Variants in ESD observed in about 807,000 individuals in gnomAD.
The protein encoded by ESD is S-formylglutathione hydrolase.
Under a neutral mutation model 38.1 loss-of-function variants are expected in ESD, and 34 were observed. That is an observed-to-expected ratio of 0.89 (90% CI 0.68 to 1.19). The LOEUF (loss-of-function observed/expected upper bound fraction) is 1.19. Ranked by LOEUF, ESD falls within the 50% of genes most tolerant of loss-of-function variation. ESD has a pLI of 0.00. For synonymous variants in ESD, 97 were observed against 107.0 expected, an observed-to-expected ratio of 0.91 and a Z score of 0.58; for missense variants, 334 against 327.2, an observed-to-expected ratio of 1.02 and a Z score of -0.16.
chr13:46,781,400 C>T, intron 7 of ESD, 96 bp downstream of exon 7: 1 of 1,179,712 alleles, frequency 8.5e-7, no homozygotes, highest in Non-Finnish European at 1.2e-6. Flanking sequence ...AAGTTTAGTT[C>T]CAATACTAAC....
chr13:46,782,573 C>T (rs1210480930), intron 6 of ESD, 94 bp downstream of exon 6: 2 of 1,371,320 alleles, frequency 1.5e-6, no homozygotes, highest in Non-Finnish European at 1.0e-6. Context: ...ACTTTTATAC[C>T]CTAGTTTAAA....
intron 4 of ESD, chr13:46,785,753 A>G (rs566989376): frequency 2.0e-5 from 3 of 152,118 alleles, no homozygotes; most frequent in South Asian, 2.1e-4. Flanking sequence ...AAAATTCTGT[A>G]TTTTATACTT....
chr13:46,773,125 A>C (rs978412326), intron 9 of ESD, among the ~76,000 whole-genome samples: 6 of 152,006 alleles, frequency 3.9e-5, no homozygotes, highest in Admixed American at 6.6e-5. Flanking sequence ...CATTTTCTTT[A>C]TTTAGTCTAT....
chr13:46,773,580 C>T (rs1183413563), intron 9 of ESD, among the ~76,000 whole-genome samples: 1 of 152,132 alleles, frequency 6.6e-6, no homozygotes, highest in African/African-American at 2.4e-5. Flanking sequence ...CTTCAGAGAA[C>T]AAGGAAATCC....
At chr13:46,790,006 A>T (rs935870546) in intron 3 of ESD, among the ~76,000 whole-genome samples, 7,908 of 132,204 alleles carry the variant, frequency 0.06, 287 homozygotes, top group African/African-American at 0.069. Flanking sequence ...ATATATATAT[A>T]TATTTTTTTT....
At chr13:46,790,989 G>C (rs1028419830) in intron 3 of ESD, among the ~76,000 whole-genome samples, 7 of 152,140 alleles carry the variant, frequency 4.6e-5, no homozygotes, top group Non-Finnish European at 8.8e-5. Context: ...GGAAGCAAAT[G>C]CATGTGTTTA....
At position 46,791,409 on chromosome 13, in the gene ESD, G is replaced by A. The variant is rs1176669841; in HGVS notation, c.5C>T (p.Ala2Val). The A allele has an allele frequency of 2.5e-6, 4 of 1,611,866 alleles. No homozygotes were observed. In the African/African-American group the frequency reaches 5.3e-5, roughly 22 times the overall value. MALKQISSNKCF... is the reference protein window; with the variant it reads MVLKQISSNKCF... ...CTTGTTGCTGGAAATCTGCTTCAATGCCATTCTTTTCCTATTAGTAAAGAG... is the reference window on the plus strand; with the variant it reads ...CTTGTTGCTGGAAATCTGCTTCAATACCATTCTTTTCCTATTAGTAAAGAG... The change falls in exon 3 of 10, where the codon GCA becomes GTA. Residue 2 changes from alanine (A) to valine (V), a missense_variant. Physicochemically the swap from Ala to Val is moderately conservative, Grantham distance 64. Transcript: ENST00000378720.
Position 46,784,367 on chromosome 13 carries a change from T to C in ESD, c.158-17A>G, listed in dbSNP as rs1875117748. On this transcript the variant is annotated splice_polypyrimidine_tract_variant and intron_variant, in intron 4 of 9. Coordinates refer to ENST00000378720, the MANE Select transcript of ESD (RefSeq NM_001984.2). The stretch of plus-strand genomic sequence containing the variant: ...AAGTTAAACCTGAAGATAAAAAATA[T>C]TGTTATTGGGCACACATGGACATGA... The C allele has an allele frequency of 1.3e-6, 2 of 1,541,274 alleles. No individual in the cohort carries two copies. Among genetic ancestry groups the C allele is most frequent in the African/African-American group, 1.4e-5 (1 of 73,288 alleles).
intron 5 of ESD, 27 bp from the exon 6 acceptor site, chr13:46,782,818 A>T: frequency 6.2e-7 from 1 of 1,610,750 alleles, no homozygotes; most frequent in Non-Finnish European, 8.5e-7. Flanking sequence ...TTGTGGTTTC[A>T]TCTGCTCTGT....
chr13:46,789,991 C>CATATATATATATAT (rs1163985354), intron 3 of ESD, among the ~76,000 whole-genome samples: 18 of 140,306 alleles, frequency 1.3e-4, no homozygotes, highest in South Asian at 6.8e-4. Context: ...AATTTTTGTA[C>CATATATATATATAT]ATATATATAT....
chr13:46,771,362 G>T lies in ESD; in HGVS notation c.*54C>A. 2.6e-6 allele frequency: 3 copies of T among 1,147,006 alleles called. No individual in the cohort carries two copies. Among genetic ancestry groups the T allele is most frequent in the Admixed American group, 2.1e-5 (1 of 47,264 alleles). 71.1% of individuals were successfully genotyped at this position (1,147,006 alleles called of 1,614,324 possible). ...TTTTTTTTTTTTGCTCAGCAATACAGTTGCATTTTACAACTTTTATAATCC... is the reference window on the plus strand; with the variant it reads ...TTTTTTTTTTTTGCTCAGCAATACATTTGCATTTTACAACTTTTATAATCC... On this transcript the variant is annotated 3_prime_UTR_variant, in exon 10 of 10. Transcript: ENST00000378720.
intron 9 of ESD, chr13:46,776,052 G>A: frequency 5.7e-6 from 1 of 174,608 alleles, no homozygotes; most frequent in Non-Finnish European, 1.2e-5. Flanking sequence ...AAGGTCATTT[G>A]GAAAAAACAT....
At chr13:46,778,655 G>A (rs1214439040) in intron 8 of ESD, among the ~76,000 whole-genome samples, 4 of 151,640 alleles carry the variant, frequency 2.6e-5, no homozygotes, top group Admixed American at 2.6e-4. Flanking sequence ...GATGTGAAAG[G>A]GTCACCATTT....
intron 9 of ESD, among the ~76,000 whole-genome samples, chr13:46,772,848 C>T (rs561521852): frequency 8.8e-4 from 134 of 152,252 alleles, no homozygotes; most frequent in African/African-American, 3.2e-3. Context: ...CCATGCCCAG[C>T]TAATTTTTTG....
At chr13:46,792,741 G>C (rs1875441278) in intron 2 of ESD, among the ~76,000 whole-genome samples, 1 of 151,948 alleles carries the variant, frequency 6.6e-6, no homozygotes, top group Non-Finnish European at 1.5e-5. Flanking sequence ...ACTCCCATGA[G>C]ATGTTATTAG....
intron 2 of ESD, 46 bp downstream of exon 2, chr13:46,793,351 T>C (rs1433279276): frequency 6.6e-6 from 1 of 152,618 alleles, no homozygotes; most frequent in Non-Finnish European, 1.5e-5. Context: ...TAGTGGTATT[T>C]TCATTCAATG....
intron 9 of ESD, chr13:46,776,205 A>C (rs1485429290): frequency 6.5e-6 from 1 of 153,500 alleles, no homozygotes; most frequent in Non-Finnish European, 1.5e-5. Context: ...AATCTAAAAC[A>C]AAATTCTATT....
chr13:46,789,021 C>T (rs1320756390), intron 3 of ESD, among the ~76,000 whole-genome samples: 1 of 152,100 alleles, frequency 6.6e-6, no homozygotes, highest in African/African-American at 2.4e-5. Context: ...CTACTGAGCA[C>T]CTGAAATGTG....
chr13:46,787,156 TCA>T, intron 3 of ESD, 47 bp from the exon 4 acceptor site: 3 of 1,106,446 alleles, frequency 2.7e-6, no homozygotes, highest in Non-Finnish European at 3.9e-6. Context: ...CCCTCATTAA[TCA>T]ATACAGAAAC....
Sources: allele counts gnomAD v4.1 joint callset (sites outside exome capture counted in the v4.1 genomes callset), GRCh38; gene constraint gnomAD v4.1.1; transcripts MANE v1.5; gene names NCBI Gene and HGNC (gene_info 2026-07-23, HGNC 2026-07-21).